Variants in RBFOX1 observed in about 807,000 individuals in gnomAD.
The protein encoded by RBFOX1 is RNA binding fox-1 homolog 1.
Under a neutral mutation model 57.7 loss-of-function variants are expected in RBFOX1, and 8 were observed. The ratio of observed to expected loss-of-function variants is 0.14; its 90% confidence interval spans 0.08 to 0.25. The LOEUF (loss-of-function observed/expected upper bound fraction) is 0.25, where lower values mean the gene tolerates loss of function less well. RBFOX1 is among the 10% of genes least tolerant of loss of function. RBFOX1 has a pLI of 1.00. For missense variants in RBFOX1, 611 were observed against 548.5 expected (o/e 1.11, Z -1.14); for synonymous variants, 326 against 222.4 (o/e 1.47, Z -4.15).
chr16:5,889,004 T>A (rs2057974556), intron 4 of RBFOX1, among the ~76,000 whole-genome samples: 1 of 151,870 alleles, frequency 6.6e-6, no homozygotes, highest in African/African-American at 2.4e-5. Flanking sequence ...GCAAGATTGG[T>A]CAAGATTTGG....
intron 3 of RBFOX1, among the ~76,000 whole-genome samples, chr16:7,006,854 G>A (rs753973361): frequency 1.3e-5 from 2 of 152,152 alleles, no homozygotes; most frequent in Non-Finnish European, 2.9e-5. Context: ...ATCACACTTT[G>A]AACCCTGCCA....
intron 3 of RBFOX1, among the ~76,000 whole-genome samples, chr16:6,762,461 A>G (rs1391559042): frequency 6.6e-6 from 1 of 152,164 alleles, no homozygotes; most frequent in Non-Finnish European, 1.5e-5. Context: ...ACCTGTAAGA[A>G]CAAAAGAAAA....
intron 4 of RBFOX1, among the ~76,000 whole-genome samples, chr16:7,402,608 A>G (rs2148835634): frequency 6.6e-6 from 1 of 152,258 alleles, no homozygotes; most frequent in South Asian, 2.1e-4. Flanking sequence ...CTTATGCATA[A>G]TTTGAATATG....
intron 2 of RBFOX1, among the ~76,000 whole-genome samples, chr16:6,478,953 G>A (rs1346605725): frequency 6.6e-6 from 1 of 152,064 alleles, no homozygotes; most frequent in Admixed American, 6.6e-5. Flanking sequence ...AAAACATAAA[G>A]TGAGCACTTG....
chr16:5,807,495 G>C (rs1262843333), intron 3 of RBFOX1, among the ~76,000 whole-genome samples: 2 of 152,160 alleles, frequency 1.3e-5, no homozygotes, highest in African/African-American at 4.8e-5. Context: ...TCATTACTGA[G>C]CACTTTTGCA....
chr16:6,639,810 C>T (rs2098472623), intron 2 of RBFOX1, among the ~76,000 whole-genome samples: 1 of 152,026 alleles, frequency 6.6e-6, no homozygotes, highest in African/African-American at 2.4e-5. Context: ...ACCTGGGAGG[C>T]AGAGCTTGCA....
At chr16:5,541,626 G>T (rs2044956763) in intron 2 of RBFOX1, among the ~76,000 whole-genome samples, 1 of 152,198 alleles carries the variant, frequency 6.6e-6, no homozygotes, top group Non-Finnish European at 1.5e-5. Context: ...AGTTTGAATA[G>T]AATGGGAGGC....
intron 1 of RBFOX1, among the ~76,000 whole-genome samples, chr16:6,292,998 C>T (rs1274682730): frequency 6.6e-6 from 1 of 152,150 alleles, no homozygotes; most frequent in African/African-American, 2.4e-5. Context: ...CTTACAATTT[C>T]CTTCCTGTCT....
intron 3 of RBFOX1, among the ~76,000 whole-genome samples, chr16:6,811,066 C>G (rs923445426): frequency 6.6e-6 from 1 of 152,164 alleles, no homozygotes; most frequent in African/African-American, 2.4e-5. Flanking sequence ...GAAAAACACA[C>G]CTGGGTATTT....
At chr16:5,248,355 C>T (rs939531142) in intron 1 of RBFOX1, among the ~76,000 whole-genome samples, 1 of 152,236 alleles carries the variant, frequency 6.6e-6, no homozygotes, top group African/African-American at 2.4e-5. Context: ...CCTGCACAGC[C>T]TTCCTTGCAG....
At chr16:7,040,516 T>C (rs182731851) in intron 3 of RBFOX1, among the ~76,000 whole-genome samples, 32 of 152,306 alleles carry the variant, frequency 2.1e-4, no homozygotes, top group African/African-American at 5.5e-4. Context: ...TGAAGTGATA[T>C]AACAGAATCC....
intron 3 of RBFOX1, among the ~76,000 whole-genome samples, chr16:7,051,025 A>G (rs776584249): frequency 2.0e-5 from 3 of 152,226 alleles, no homozygotes; most frequent in Non-Finnish European, 2.9e-5. Context: ...TAAAATATAC[A>G]TCAAAAGTTG....
chr16:6,938,814 C>G (rs1376814440), intron 3 of RBFOX1, among the ~76,000 whole-genome samples: 1 of 152,096 alleles, frequency 6.6e-6, no homozygotes, highest in South Asian at 2.1e-4. Context: ...TGCCTGTAAT[C>G]CCAGCTACTC....
At chr16:5,411,666 G>A (rs1372156456) in intron 1 of RBFOX1, among the ~76,000 whole-genome samples, 2 of 152,086 alleles carry the variant, frequency 1.3e-5, no homozygotes, top group Admixed American at 6.5e-5. Flanking sequence ...TTGGGAGGCC[G>A]AGGTGGGAGG....
At chr16:6,079,746 G>A (rs542659086) in intron 1 of RBFOX1, among the ~76,000 whole-genome samples, 1 of 152,198 alleles carries the variant, frequency 6.6e-6, no homozygotes, top group Non-Finnish European at 1.5e-5. Flanking sequence ...TGAGATGGGA[G>A]GATGGCCTGG....
chr16:5,733,433 C>T (rs573293142), intron 3 of RBFOX1, among the ~76,000 whole-genome samples: 5 of 152,244 alleles, frequency 3.3e-5, no homozygotes, highest in East Asian at 3.9e-4. Flanking sequence ...GTGCAAGTGG[C>T]GCTCTTGTCT....
At chr16:7,138,824 T>G (rs1304329691) in intron 4 of RBFOX1, among the ~76,000 whole-genome samples, 3 of 152,152 alleles carry the variant, frequency 2.0e-5, no homozygotes, top group Non-Finnish European at 4.4e-5. Context: ...AGACTTTTTT[T>G]ATAAGATGGA....
At chr16:5,383,505 G>A (rs2066180995) in intron 1 of RBFOX1, among the ~76,000 whole-genome samples, 1 of 152,198 alleles carries the variant, frequency 6.6e-6, no homozygotes, top group African/African-American at 2.4e-5. Flanking sequence ...AACACTAGTT[G>A]AATCATATCA....
chr16:5,250,434 C>G (rs1348997676), intron 1 of RBFOX1, among the ~76,000 whole-genome samples: 1 of 152,112 alleles, frequency 6.6e-6, no homozygotes, highest in Non-Finnish European at 1.5e-5. Context: ...GTCCCTCACC[C>G]CCGACAGGCC....
Sources: allele counts gnomAD v4.1 joint callset (sites outside exome capture counted in the v4.1 genomes callset), GRCh38; gene constraint gnomAD v4.1.1; transcripts MANE v1.5; gene names NCBI Gene and HGNC (gene_info 2026-07-23, HGNC 2026-07-21).